AGBL1: variants seen among roughly 807,000 people sequenced by gnomAD.
AGBL1 encodes AGBL carboxypeptidase 1.
A neutral mutation model predicts 118.9 loss-of-function variants in AGBL1; 130 were observed. The observed-to-expected ratio is 1.09, with a 90% CI of 0.95 to 1.26. AGBL1 has a LOEUF of 1.26. AGBL1 is among the 50% of genes most tolerant of loss of function. The probability of loss-of-function intolerance (pLI) is 0.00; values close to 1 mark genes in which losing one functional copy is unlikely to be tolerated. For missense variants in AGBL1, 1,584 were observed against 1,298.1 expected, an observed-to-expected ratio of 1.22 and a Z score of -3.38; for synonymous variants, 555 against 478.9, an observed-to-expected ratio of 1.16 and a Z score of -2.08.
intron 17 of AGBL1, among the ~76,000 whole-genome samples, chr15:86,353,384 G>A (rs957045920): frequency 5.3e-5 from 8 of 152,182 alleles, no homozygotes; most frequent in African/African-American, 1.7e-4. Flanking sequence ...ATTCTTAATA[G>A]CGAGGATGTA....
At chr15:86,254,893 A>G (rs998076890) in intron 7 of AGBL1, among the ~76,000 whole-genome samples, 7 of 152,156 alleles carry the variant, frequency 4.6e-5, no homozygotes, top group African/African-American at 1.4e-4. Flanking sequence ...TATTTCCCCT[A>G]CAGTGCAGCA....
intron 18 of AGBL1, among the ~76,000 whole-genome samples, chr15:86,503,670 G>A (rs1411762884): frequency 1.3e-5 from 2 of 150,996 alleles, no homozygotes; most frequent in Admixed American, 1.3e-4. Flanking sequence ...AATTTATATT[G>A]TAATTTCTTC....
At chr15:86,144,034 T>C (rs566875901) in intron 3 of AGBL1, among the ~76,000 whole-genome samples, 189 bp downstream of exon 3, 7 of 152,124 alleles carry the variant, frequency 4.6e-5, no homozygotes, top group Non-Finnish European at 8.8e-5. Context: ...TGTCAGCTCA[T>C]CCAAGGTATG....
At chr15:86,313,882 T>C (rs949706237) in intron 17 of AGBL1, among the ~76,000 whole-genome samples, 1 of 152,190 alleles carries the variant, frequency 6.6e-6, no homozygotes, top group Non-Finnish European at 1.5e-5. Context: ...CAACCCTGTA[T>C]TGTTCATTAA....
At chr15:86,707,597 AC>A (rs1243477365) in intron 22 of AGBL1, among the ~76,000 whole-genome samples, 1 of 152,158 alleles carries the variant, frequency 6.6e-6, no homozygotes, top group Non-Finnish European at 1.5e-5. Context: ...TGGAAAAAAG[AC>A]AAAATCGAAT....
intron 21 of AGBL1, among the ~76,000 whole-genome samples, chr15:86,586,102 C>T (rs1446321669): frequency 6.6e-6 from 1 of 152,192 alleles, no homozygotes; most frequent in Non-Finnish European, 1.5e-5. Flanking sequence ...ACATTCTCAT[C>T]TGAGAGATAA....
At chr15:86,566,963 T>C (rs2083926799) in intron 21 of AGBL1, among the ~76,000 whole-genome samples, 1 of 152,312 alleles carries the variant, frequency 6.6e-6, no homozygotes, top group Admixed American at 6.5e-5. Flanking sequence ...GTGCTCCTCA[T>C]AGTTCCTACT....
intron 22 of AGBL1, among the ~76,000 whole-genome samples, chr15:86,683,557 G>C (rs1015283924): frequency 6.6e-6 from 1 of 152,186 alleles, no homozygotes; most frequent in Non-Finnish European, 1.5e-5. Context: ...GTGTAGTTAA[G>C]TGATTTACAC....
downstream of AGBL1, among the ~76,000 whole-genome samples, chr15:86,920,374 C>A (rs2080471596): frequency 6.6e-6 from 1 of 152,140 alleles, no homozygotes; most frequent in East Asian, 1.9e-4. Context: ...CTTCTACTAG[C>A]CAGAAAAACT....
Position 86,790,380 on chromosome 15 carries a change from G to GCACA in AGBL1, c.3158+115957_3158+115960dup, listed in dbSNP as rs142594712. ...CACACACACACACGCATGCACGCACGCACACACACACACACAGTCCTGTAT... is the reference window on the plus strand; with the variant it reads ...CACACACACACACGCATGCACGCACGCACACACACACACACACACAGTCCTGTAT... On this transcript the variant is annotated intron_variant, in intron 22 of 22. Coordinates refer to ENST00000614907, the MANE Select transcript of AGBL1 (RefSeq NM_001386094.1). Among the ~76,000 whole-genome samples, 32 of 147,778 alleles carry GCACA rather than the reference G, an allele frequency of 2.2e-4. No individual in the cohort carries two copies. In the South Asian group the frequency reaches 6.1e-3, roughly 28 times the overall value.
intron 17 of AGBL1, among the ~76,000 whole-genome samples, chr15:86,298,340 A>G (rs1460487787): frequency 8.4e-6 from 1 of 119,006 alleles, no homozygotes; most frequent in African/African-American, 3.5e-5. Context: ...TGGTAACTAT[A>G]TATATATGAA....
chr15:86,910,901 A>C lies in AGBL1; in HGVS notation c.*3607A>C, dbSNP rs925638375. ...TAGGACTGAAGGCTATCTTGTGTCA[A>C]ATCTCACCAGTCTTCCATCCAGAGT... On this transcript the variant is annotated 3_prime_UTR_variant, in exon 23 of 23. Coordinates refer to ENST00000614907, the MANE Select transcript of AGBL1 (RefSeq NM_001386094.1). The C allele has an allele frequency of 6.6e-6, 1 of 152,156 alleles. No homozygotes were observed. The highest frequency in any genetic ancestry group is 1.5e-5 in the Non-Finnish European group (1 of 68,042). The allele number at this position is 152,156 out of a possible 1,614,324, so 9.4% of individuals were successfully genotyped here.
At chr15:86,956,729 C>T (rs548554481) in intron 23 of AGBL1, among the ~76,000 whole-genome samples, 11 of 152,210 alleles carry the variant, frequency 7.2e-5, no homozygotes, top group Non-Finnish European at 1.3e-4. Flanking sequence ...CATTGTTTAA[C>T]CAAGTTGACA....
chr15:86,712,426 C>A (rs570402065), intron 22 of AGBL1, among the ~76,000 whole-genome samples: 94 of 151,868 alleles, frequency 6.2e-4, no homozygotes, highest in Admixed American at 3.3e-4. Context: ...CAGCTAGAAC[C>A]ATTTCACAGA....
intron 17 of AGBL1, chr15:86,312,496 G>A (rs1349750541): frequency 6.6e-6 from 1 of 152,230 alleles, no homozygotes; most frequent in Non-Finnish European, 1.5e-5. Context: ...TAATGATCAA[G>A]TGATCAAGTT....
chr15:86,169,418 T>C (rs2077384764), intron 5 of AGBL1, among the ~76,000 whole-genome samples: 1 of 152,180 alleles, frequency 6.6e-6, no homozygotes, highest in East Asian at 1.9e-4. Flanking sequence ...GAAAACCTCA[T>C]GACTCATGGG....
At chr15:86,508,406 A>G (rs1388767788) in intron 18 of AGBL1, among the ~76,000 whole-genome samples, 1 of 152,146 alleles carries the variant, frequency 6.6e-6, no homozygotes, top group Non-Finnish European at 1.5e-5. Flanking sequence ...GATTAGAAAA[A>G]GATTGTGCTT....
chr15:86,508,410 T>A (rs916418356), intron 18 of AGBL1, among the ~76,000 whole-genome samples: 2 of 152,124 alleles, frequency 1.3e-5, no homozygotes, highest in African/African-American at 4.8e-5. Context: ...AGAAAAAGAT[T>A]GTGCTTTAGG....
chr15:86,122,006 T>C (rs1441509755), intron 1 of AGBL1, among the ~76,000 whole-genome samples: 1 of 152,214 alleles, frequency 6.6e-6, no homozygotes, highest in African/African-American at 2.4e-5. Context: ...CAATTTGCTT[T>C]GCACAAGGAA....
Sources: allele counts gnomAD v4.1 joint callset (sites outside exome capture counted in the v4.1 genomes callset), GRCh38; gene constraint gnomAD v4.1.1; transcripts MANE v1.5; gene names NCBI Gene and HGNC (gene_info 2026-07-23, HGNC 2026-07-21).